TARP: variants seen among roughly 807,000 people sequenced by gnomAD.
chr7:38,263,699 A>G, the TARP span, among the ~76,000 whole-genome samples: 4 of 151,710 alleles, frequency 2.6e-5, no homozygotes, highest in African/African-American at 9.7e-5. Flanking sequence ...TTTAAAACAG[A>G]AGAAAACACA....
the TARP span, chr7:38,265,229 C>T: frequency 1.3e-6 from 1 of 772,802 alleles, no homozygotes; most frequent in Admixed American, 2.9e-5. Flanking sequence ...TTTATGCTAC[C>T]ATTAAATGTA....
chr7:38,265,562 C>A, the TARP span: 1 of 1,612,028 alleles, frequency 6.2e-7, no homozygotes, highest in African/African-American at 1.4e-5. Context: ...TTAATAACAT[C>A]AGGGAAAAAT....
the TARP span, among the ~76,000 whole-genome samples, chr7:38,261,612 C>T: frequency 1.3e-5 from 2 of 151,466 alleles, no homozygotes; most frequent in South Asian, 2.1e-4. Context: ...CAGTGACTCA[C>T]GCCTGTAATC....
the TARP span, among the ~76,000 whole-genome samples, chr7:38,267,191 C>T: frequency 1.7e-4 from 26 of 151,760 alleles, no homozygotes; most frequent in Non-Finnish European, 3.5e-4. Flanking sequence ...TTCTCTTCAT[C>T]TTAGCCTGCT....
chr7:38,264,427 C>A, the TARP span, among the ~76,000 whole-genome samples: 1 of 151,268 alleles, frequency 6.6e-6, no homozygotes, highest in South Asian at 2.1e-4. Flanking sequence ...CCCATCTCTA[C>A]TAAAAACACA....
the TARP span, among the ~76,000 whole-genome samples, chr7:38,260,935 C>T: frequency 7.2e-5 from 11 of 151,848 alleles, no homozygotes; most frequent in East Asian, 1.7e-3. Flanking sequence ...TGCTTCTAGT[C>T]GCATTCTTTG....
the TARP span, among the ~76,000 whole-genome samples, chr7:38,273,109 A>C: frequency 6.6e-6 from 1 of 151,360 alleles, no homozygotes; most frequent in Non-Finnish European, 1.5e-5. Context: ...AATTTAAATA[A>C]CAATAAATGC....
At chr7:38,265,654 G>A in the TARP span, 23 of 1,604,628 alleles carry the variant, frequency 1.4e-5, no homozygotes, top group African/African-American at 1.4e-4. Flanking sequence ...GGGCTTGGGG[G>A]AAACATCTGC....
chr7:38,263,934 A>C, the TARP span, among the ~76,000 whole-genome samples: 37 of 151,960 alleles, frequency 2.4e-4, 1 homozygote, highest in African/African-American at 8.7e-4. Flanking sequence ...TGGGTTTTCA[A>C]TGTCTTTTTA....
chr7:38,270,469 G>A, the TARP span, among the ~76,000 whole-genome samples: 1 of 150,528 alleles, frequency 6.6e-6, no homozygotes, highest in Non-Finnish European at 1.5e-5. Context: ...AATATATGCA[G>A]TCAGTGTATG....
chr7:38,266,540 G>A, the TARP span, among the ~76,000 whole-genome samples: 1 of 151,812 alleles, frequency 6.6e-6, no homozygotes, highest in Non-Finnish European at 1.5e-5. Flanking sequence ...GCGCTCAAGT[G>A]ATCTGCCTGC....
At chr7:38,269,315 A>G in the TARP span, among the ~76,000 whole-genome samples, 1 of 151,898 alleles carries the variant, frequency 6.6e-6, no homozygotes, top group Admixed American at 6.6e-5. Context: ...TATCTGTGCA[A>G]TGTTATCTAT....
chr7:38,270,365 A>T, the TARP span, among the ~76,000 whole-genome samples: 3 of 151,758 alleles, frequency 2.0e-5, no homozygotes, highest in Non-Finnish European at 4.4e-5. Flanking sequence ...CATCATCACA[A>T]GAAACATGGC....
the TARP span, chr7:38,262,244 T>C: frequency 1.3e-6 from 2 of 1,572,506 alleles, no homozygotes; most frequent in Non-Finnish European, 1.7e-6. Flanking sequence ...CAAGTACTAG[T>C]CAATTGTTCG....
the TARP span, among the ~76,000 whole-genome samples, chr7:38,268,239 C>A: frequency 6.6e-6 from 1 of 150,558 alleles, no homozygotes; most frequent in Non-Finnish European, 1.5e-5. Context: ...TTGTTGGATT[C>A]ATTTATGTAC....
chr7:38,270,007 C>T, the TARP span, among the ~76,000 whole-genome samples: 6 of 151,842 alleles, frequency 4.0e-5, no homozygotes, highest in African/African-American at 1.2e-4. Flanking sequence ...GAAGCTGAGG[C>T]AGGAGGGTCA....
At chr7:38,261,974 C>G in the TARP span, among the ~76,000 whole-genome samples, 12 of 151,426 alleles carry the variant, frequency 7.9e-5, no homozygotes, top group East Asian at 5.8e-4. Flanking sequence ...TGTACCCTCT[C>G]TAATTTACAG....
the TARP span, among the ~76,000 whole-genome samples, chr7:38,268,303 T>C: frequency 6.6e-6 from 1 of 151,670 alleles, no homozygotes; most frequent in Non-Finnish European, 1.5e-5. Context: ...AAGTTGTTTG[T>C]AGTTTATTAA....
At chr7:38,270,952 G>A in the TARP span, among the ~76,000 whole-genome samples, 1 of 150,810 alleles carries the variant, frequency 6.6e-6, no homozygotes. Context: ...TGAAAATTTG[G>A]TGTGCTTCTT....
Sources: gnomAD v4.1 joint callset for allele counts (sites outside exome capture counted in the v4.1 genomes callset) on GRCh38, gnomAD v4.1.1 for gene constraint, MANE v1.5 for transcripts.